The following GALNT14 variants were observed in gnomAD, a reference collection of about 807,000 sequenced individuals.
The protein encoded by GALNT14 is polypeptide N-acetylgalactosaminyltransferase 14.
A neutral mutation model predicts 77.5 loss-of-function variants in GALNT14; 60 were observed. That is an observed-to-expected ratio of 0.77 (90% CI 0.63 to 0.96). The LOEUF is 0.96. Among genes scored for constraint, GALNT14 ranks in the 40% least tolerant of loss-of-function variants. GALNT14 has a pLI of 0.00. For synonymous variants in GALNT14, 280 were observed against 281.7 expected (o/e 0.99, Z 0.06); for missense variants, 710 against 731.0 (o/e 0.97, Z 0.33).
intron 13 of GALNT14, among the ~76,000 whole-genome samples, chr2:30,916,378 T>C (rs184015958): frequency 3.3e-5 from 5 of 152,344 alleles, no homozygotes; most frequent in African/African-American, 9.6e-5. Context: ...GCCATGAGAA[T>C]AAGCAGCTCA....
chr2:31,100,717 AC>A, intron 1 of GALNT14, among the ~76,000 whole-genome samples: 1 of 148,672 alleles, frequency 6.7e-6, no homozygotes, highest in Admixed American at 6.8e-5. Context: ...AAAAAAAAAT[AC>A]CTGAACTATA....
intron 1 of GALNT14, among the ~76,000 whole-genome samples, chr2:31,019,982 A>G (rs1671614777): frequency 6.6e-6 from 1 of 152,194 alleles, no homozygotes; most frequent in Non-Finnish European, 1.5e-5. Context: ...CTATGAATAT[A>G]TCTCTGTGAA....
chr2:31,132,993 T>C (rs190524877), intron 1 of GALNT14, among the ~76,000 whole-genome samples: 2 of 152,222 alleles, frequency 1.3e-5, no homozygotes, highest in East Asian at 3.9e-4. Flanking sequence ...TCTGGTCTTG[T>C]GGCCCCCACC....
At chr2:31,128,904 A>G (rs1678833116) in intron 1 of GALNT14, among the ~76,000 whole-genome samples, 1 of 152,058 alleles carries the variant, frequency 6.6e-6, no homozygotes, top group Non-Finnish European at 1.5e-5. Flanking sequence ...CCTTCCAGAG[A>G]CAAGCTCTGT....
chr2:30,953,553 C>A (rs777580813), intron 6 of GALNT14, among the ~76,000 whole-genome samples: 2 of 152,168 alleles, frequency 1.3e-5, no homozygotes, highest in Non-Finnish European at 1.5e-5. Context: ...CGAGATCCAT[C>A]CACCTTGGCC....
intron 1 of GALNT14, among the ~76,000 whole-genome samples, chr2:31,015,576 T>G (rs1176430085): frequency 6.6e-6 from 1 of 152,192 alleles, no homozygotes; most frequent in Admixed American, 6.5e-5. Flanking sequence ...AATTTTATGA[T>G]GGAGACTGCT....
intron 1 of GALNT14, chr2:31,129,476 T>G (rs1247553504): frequency 1.0e-6 from 1 of 985,340 alleles, no homozygotes; most frequent in Non-Finnish European, 1.2e-6. Flanking sequence ...ATTAGTCAAT[T>G]CAGCACCCAG....
At chr2:31,006,988 C>A (rs1670712639) in intron 1 of GALNT14, among the ~76,000 whole-genome samples, 1 of 152,216 alleles carries the variant, frequency 6.6e-6, no homozygotes, top group South Asian at 2.1e-4. Flanking sequence ...AAGATACCCT[C>A]TAGCTCTCTC....
chr2:30,914,245 A>C lies in GALNT14; in HGVS notation c.1381-1903T>G, dbSNP rs772594409. On this transcript the variant is annotated intron_variant, in intron 13 of 14. Transcript: ENST00000349752. ...TCGGAGAGGCTATCCAAAGTCATAC[A>C]CCAGCAAGTGGCCCCCACACCAACT... is the stretch of plus-strand genomic sequence containing the variant. Among the ~76,000 whole-genome samples, 178 of 152,300 alleles carry C rather than the reference A, an allele frequency of 1.2e-3. 2 individuals are homozygous for C. The highest frequency in any genetic ancestry group is 8.5e-4 in the Non-Finnish European group (58 of 68,026).
At chr2:30,963,266 A>T (rs976353628) in intron 3 of GALNT14, among the ~76,000 whole-genome samples, 1 of 152,194 alleles carries the variant, frequency 6.6e-6, no homozygotes, top group African/African-American at 2.4e-5. Context: ...AGGCAGACAG[A>T]GGAGCCGCGC....
chr2:30,989,654 T>A (rs6753658), intron 2 of GALNT14, among the ~76,000 whole-genome samples: 6,254 of 111,678 alleles, frequency 0.056, 389 homozygotes, highest in African/African-American at 0.12. Context: ...TAGTATATAT[T>A]AAAATATATA....
intron 4 of GALNT14, among the ~76,000 whole-genome samples, chr2:30,957,003 T>C (rs891323402): frequency 2.0e-5 from 3 of 152,260 alleles, no homozygotes; most frequent in African/African-American, 7.2e-5. Flanking sequence ...GGAAACCCCA[T>C]CCTAAGCATT....
chr2:30,947,364 G>A (rs1389363275), intron 6 of GALNT14, among the ~76,000 whole-genome samples: 2 of 152,182 alleles, frequency 1.3e-5, no homozygotes, highest in South Asian at 2.1e-4. Context: ...TACTTGCTAC[G>A]TCCCTCAGGC....
intron 1 of GALNT14, among the ~76,000 whole-genome samples, chr2:31,130,688 G>A (rs987935035): frequency 6.6e-6 from 1 of 151,018 alleles, no homozygotes; most frequent in African/African-American, 2.4e-5. Flanking sequence ...CAAAATACCA[G>A]AGCCAGCACA....
chr2:31,057,496 C>G (rs2148533225), intron 1 of GALNT14, among the ~76,000 whole-genome samples: 1 of 149,810 alleles, frequency 6.7e-6, no homozygotes, highest in African/African-American at 2.5e-5. Flanking sequence ...TGGGCCAAGC[C>G]TGGGAGACTC....
At chr2:31,039,474 T>C (rs1672964781) in intron 1 of GALNT14, among the ~76,000 whole-genome samples, 1 of 152,226 alleles carries the variant, frequency 6.6e-6, no homozygotes, top group Non-Finnish European at 1.5e-5. Flanking sequence ...ACTCTAAGAC[T>C]TGAATCGGGC....
At position 31,138,042 on chromosome 2, in the gene GALNT14, C is replaced by A; in HGVS notation, c.45G>T (p.Val15=). ...TRRLVLPVFG[V]LWITVLLFFW... ...AGAACAGCAGCACCGTGATCCAGAG[C>A]ACCCCGAAGACTGGCAGAACCAGCC... The change falls in exon 1 of 15, where the codon GTG becomes GTT. Residue 15 remains valine (V), a synonymous_variant. Coordinates refer to ENST00000349752, the MANE Select transcript of GALNT14 (RefSeq NM_024572.4). The A allele has an allele frequency of 6.2e-7, 1 of 1,613,868 alleles. No individual in the cohort carries two copies. Among genetic ancestry groups the A allele is most frequent in the South Asian group, 1.1e-5 (1 of 91,084 alleles).
At chr2:31,115,226 G>A (rs1678048315) in intron 1 of GALNT14, among the ~76,000 whole-genome samples, 1 of 151,976 alleles carries the variant, frequency 6.6e-6, no homozygotes, top group Non-Finnish European at 1.5e-5. Context: ...ACTCCAGACT[G>A]GGTGACAGAG....
At chr2:30,924,622 C>A in intron 12 of GALNT14, 118 bp downstream of exon 12, 1 of 789,796 alleles carries the variant, frequency 1.3e-6, no homozygotes, top group Admixed American at 2.3e-5. Context: ...TCTTCTTACA[C>A]CTCTGATATA....
Sources: gnomAD v4.1 joint callset for allele counts (sites outside exome capture counted in the v4.1 genomes callset) on GRCh38, gnomAD v4.1.1 for gene constraint, MANE v1.5 for transcripts, NCBI Gene and HGNC (gene_info 2026-07-23, HGNC 2026-07-21) for gene names.